DLC1: variants seen among roughly 807,000 people sequenced by gnomAD.
DLC1 encodes the protein DLC1 Rho GTPase activating protein.
In DLC1, 54 loss-of-function variants were observed where a neutral mutation model predicts 140.3. That is an observed-to-expected ratio of 0.38 (90% CI 0.31 to 0.48). The LOEUF (loss-of-function observed/expected upper bound fraction) is 0.48, where lower values mean the gene tolerates loss of function less well. Ranked by LOEUF, DLC1 falls within the 20% of genes least tolerant of loss-of-function variation. The pLI, the probability that DLC1 is intolerant of heterozygous loss-of-function variation, is 0.96. For missense variants in DLC1, 2,536 were observed against 1,907.0 expected (o/e 1.33, Z -6.14); for synonymous variants, 986 against 728.1 (o/e 1.35, Z -5.70).
At chr8:13,589,635 A>T (rs1214181182) in intron 1 of DLC1, among the ~76,000 whole-genome samples, 2 of 148,524 alleles carry the variant, frequency 1.3e-5, no homozygotes, top group Non-Finnish European at 3.0e-5. Flanking sequence ...CACATTTCTT[A>T]TTTGGTGAAT....
chr8:13,233,686 A>T (rs560915476), intron 5 of DLC1, among the ~76,000 whole-genome samples: 1 of 152,364 alleles, frequency 6.6e-6, no homozygotes, highest in East Asian at 1.9e-4. Context: ...TCAATAGAAC[A>T]TTTAAACACA....
chr8:13,442,834 C>T (rs1798584743), intron 2 of DLC1, among the ~76,000 whole-genome samples: 1 of 152,160 alleles, frequency 6.6e-6, no homozygotes, highest in Non-Finnish European at 1.5e-5. Context: ...TACCATTTGA[C>T]CCAGCCATCC....
intron 5 of DLC1, among the ~76,000 whole-genome samples, chr8:13,191,954 A>ATTATTATTATTT (rs1210187681): frequency 2.1e-4 from 31 of 149,430 alleles, no homozygotes; most frequent in African/African-American, 7.3e-4. Flanking sequence ...TATTATTATT[A>ATTATTATTATTT]TTATTTTTAT....
At chr8:13,386,165 C>A (rs931806154) in intron 4 of DLC1, among the ~76,000 whole-genome samples, 3 of 152,118 alleles carry the variant, frequency 2.0e-5, no homozygotes, top group Admixed American at 2.0e-4. Context: ...TGATAGCATG[C>A]AAAGTACTAT....
intron 4 of DLC1, among the ~76,000 whole-genome samples, chr8:13,306,087 T>C (rs2583106): frequency 0.34 from 51,624 of 151,924 alleles, 9,085 homozygotes; most frequent in East Asian, 0.44. Context: ...CTTCAGAGGA[T>C]TGCTGAAAGA....
intron 5 of DLC1, among the ~76,000 whole-genome samples, chr8:13,202,122 T>A (rs911259079): frequency 1.3e-5 from 2 of 152,128 alleles, no homozygotes; most frequent in East Asian, 1.9e-4. Flanking sequence ...ATTTTTGTAT[T>A]TTTAATAGAG....
In DLC1 at chr8:13,282,576, T is replaced by G. The variant is rs571651890; in HGVS notation, c.1348+22693A>C. On this transcript the variant is annotated intron_variant, in intron 5 of 17. Transcript: ENST00000276297. ...AAATAATTTTAGATACAGTTAAAACTTCAGGGGGAAATAATTTCCTTTATT... is the reference window on the plus strand; with the variant it reads ...AAATAATTTTAGATACAGTTAAAACGTCAGGGGGAAATAATTTCCTTTATT... 6.6e-5 allele frequency among the ~76,000 whole-genome samples: 10 copies of G among 152,284 alleles called. No homozygotes were observed. In the South Asian group the frequency reaches 2.1e-3, roughly 32 times the overall value.
At chr8:13,220,856 A>G (rs1219278462) in intron 5 of DLC1, among the ~76,000 whole-genome samples, 8 of 152,184 alleles carry the variant, frequency 5.3e-5, no homozygotes, top group Admixed American at 5.2e-4. Context: ...ATGGAGATCA[A>G]TAGCCTTGGA....
intron 5 of DLC1, among the ~76,000 whole-genome samples, chr8:13,118,681 A>G (rs1244486672): frequency 6.6e-6 from 1 of 152,224 alleles, no homozygotes; most frequent in Non-Finnish European, 1.5e-5. Flanking sequence ...CAATGTACGT[A>G]CTGATTTTTA....
intron 4 of DLC1, among the ~76,000 whole-genome samples, chr8:13,352,529 G>A (rs1188087378): frequency 6.6e-6 from 1 of 151,792 alleles, no homozygotes; most frequent in African/African-American, 2.4e-5. Flanking sequence ...CTACAGGCAT[G>A]CACCACCATG....
At chr8:13,555,339 A>G (rs1216171988) in intron 1 of DLC1, among the ~76,000 whole-genome samples, 1 of 151,270 alleles carries the variant, frequency 6.6e-6, no homozygotes, top group Non-Finnish European at 1.5e-5. Context: ...TTTTTTTTTT[A>G]ATAAGGTATT....
chr8:13,531,832 G>A (rs532875143), intron 1 of DLC1, among the ~76,000 whole-genome samples: 3 of 151,952 alleles, frequency 2.0e-5, no homozygotes, highest in South Asian at 2.1e-4. Flanking sequence ...AAAACATTTT[G>A]CATACTTATT....
intron 4 of DLC1, among the ~76,000 whole-genome samples, chr8:13,358,847 G>T (rs923289877): frequency 6.6e-6 from 1 of 152,158 alleles, no homozygotes; most frequent in Non-Finnish European, 1.5e-5. Flanking sequence ...ATCAGACTAT[G>T]TTACATAGCA....
intron 5 of DLC1, among the ~76,000 whole-genome samples, chr8:13,303,477 C>T (rs1474413112): frequency 6.6e-6 from 1 of 152,078 alleles, no homozygotes; most frequent in African/African-American, 2.4e-5. Context: ...GTAGTGGTTA[C>T]ATTATATTTA....
intron 5 of DLC1, among the ~76,000 whole-genome samples, chr8:13,124,690 G>T (rs936627547): frequency 6.6e-6 from 1 of 152,168 alleles, no homozygotes; most frequent in Non-Finnish European, 1.5e-5. Context: ...TGGCCCTGTT[G>T]CTTCATCTAT....
chr8:13,328,749 C>T (rs936602239), intron 4 of DLC1, among the ~76,000 whole-genome samples: 6 of 151,860 alleles, frequency 4.0e-5, no homozygotes, highest in African/African-American at 1.2e-4. Context: ...AGGAGGAGCC[C>T]GCAGAGTGAT....
At chr8:13,332,493 C>T (rs565240506) in intron 4 of DLC1, among the ~76,000 whole-genome samples, 10 of 151,528 alleles carry the variant, frequency 6.6e-5, no homozygotes, top group South Asian at 4.2e-4. Context: ...TGCAGTGGCA[C>T]GATCTCGGCT....
intron 5 of DLC1, among the ~76,000 whole-genome samples, chr8:13,265,904 T>C (rs1208167769): frequency 2.0e-5 from 3 of 152,250 alleles, no homozygotes; most frequent in Admixed American, 6.5e-5. Flanking sequence ...TCTAAAATAG[T>C]GCAAAGGGCA....
At chr8:13,554,969 C>A (rs1254687549) in intron 1 of DLC1, among the ~76,000 whole-genome samples, 1 of 152,232 alleles carries the variant, frequency 6.6e-6, no homozygotes, top group Non-Finnish European at 1.5e-5. Context: ...TGCTCCCACC[C>A]ACAAAGCATC....
Sources: gnomAD v4.1 joint callset for allele counts (sites outside exome capture counted in the v4.1 genomes callset) on GRCh38, gnomAD v4.1.1 for gene constraint, MANE v1.5 for transcripts, NCBI Gene and HGNC (gene_info 2026-07-23, HGNC 2026-07-21) for gene names.